NCKAP5: variants seen among roughly 807,000 people sequenced by gnomAD.
NCKAP5 encodes the protein NCK associated protein 5.
Under a neutral mutation model 167.0 loss-of-function variants are expected in NCKAP5, and 92 were observed. That is an observed-to-expected ratio of 0.55 (90% CI 0.47 to 0.66). The LOEUF (loss-of-function observed/expected upper bound fraction) is 0.66, where lower values mean the gene tolerates loss of function less well. NCKAP5 is among the 30% of genes least tolerant of loss of function. The pLI is 0.00. For missense variants in NCKAP5, 2,378 were observed against 2,315.0 expected, an observed-to-expected ratio of 1.03 and a Z score of -0.56; for synonymous variants, 891 against 877.4, an observed-to-expected ratio of 1.02 and a Z score of -0.27.
At chr2:133,256,104 C>T (rs2088602630) in intron 4 of NCKAP5, among the ~76,000 whole-genome samples, 1 of 151,802 alleles carries the variant, frequency 6.6e-6, no homozygotes, top group African/African-American at 2.4e-5. Flanking sequence ...TTAAGTAAAC[C>T]AAAGAAATAT....
chr2:133,367,768 T>A (rs924322494), intron 3 of NCKAP5, among the ~76,000 whole-genome samples: 5 of 152,156 alleles, frequency 3.3e-5, no homozygotes, highest in African/African-American at 9.7e-5. Context: ...ACTAGATGAA[T>A]TAAATAAAAA....
chr2:132,924,915 T>G (rs1189182450), intron 8 of NCKAP5, among the ~76,000 whole-genome samples: 1 of 152,176 alleles, frequency 6.6e-6, no homozygotes, highest in Non-Finnish European at 1.5e-5. Flanking sequence ...GATTTTTTTT[T>G]TAAGCTAAGG....
intron 5 of NCKAP5, among the ~76,000 whole-genome samples, chr2:133,196,085 C>T (rs979086755): frequency 7.2e-5 from 11 of 152,042 alleles, no homozygotes; most frequent in African/African-American, 2.4e-4. Context: ...AACCAGGTAA[C>T]GTTTTACAAA....
intron 11 of NCKAP5, among the ~76,000 whole-genome samples, chr2:132,805,538 T>G (rs1685361054): frequency 6.6e-6 from 1 of 152,152 alleles, no homozygotes; most frequent in Non-Finnish European, 1.5e-5. Context: ...TATTCCATGG[T>G]TATCACTATT....
At chr2:133,654,376 T>TTAAATAAATAAA in the NCKAP5 span, among the ~76,000 whole-genome samples, 15 of 98,104 alleles carry the variant, frequency 1.5e-4, 1 homozygote, top group South Asian at 3.5e-4. Context: ...AGACTCTATC[T>TTAAATAAATAAA]CAAATAAATA....
intron 2 of NCKAP5, among the ~76,000 whole-genome samples, chr2:133,547,572 T>TGACCCCC (rs1686846823): frequency 6.6e-6 from 1 of 151,702 alleles, no homozygotes; most frequent in Non-Finnish European, 1.5e-5. Context: ...CCCTGACCCC[T>TGACCCCC]GACCCCCGAG....
intron 12 of NCKAP5, among the ~76,000 whole-genome samples, chr2:132,792,362 G>A (rs1558785057): frequency 2.0e-5 from 3 of 152,332 alleles, no homozygotes; most frequent in South Asian, 4.1e-4. Flanking sequence ...ACTTAGTTAA[G>A]GGGAGTTCAT....
In NCKAP5 at chr2:132,672,050, C is replaced by A. The variant is rs1232084361; in HGVS notation, c.*1239G>T. 2 of 152,526 alleles carry A rather than the reference C, an allele frequency of 1.3e-5. No individual in the cohort carries two copies. Among genetic ancestry groups the A allele is most frequent in the African/African-American group, 4.8e-5 (2 of 41,420 alleles). The allele number at this position is 152,526 out of a possible 1,614,324, so 9.4% of individuals were successfully genotyped here. ...TACATAAGTAATTATAAATAGTTCA[C>A]ATCTAGAAAAAATACACATAACCTT... is the stretch of plus-strand genomic sequence containing the variant. On this transcript the variant is annotated 3_prime_UTR_variant, in exon 20 of 20. Transcript: ENST00000409261.
the NCKAP5 span, among the ~76,000 whole-genome samples, chr2:133,588,078 A>G: frequency 2.0e-5 from 3 of 152,212 alleles, no homozygotes; most frequent in African/African-American, 4.8e-5. Context: ...GCCATGTCAT[A>G]AGTGTGTGTA....
chr2:133,307,969 TTATC>T (rs1574658824), intron 3 of NCKAP5, among the ~76,000 whole-genome samples: 1 of 128,306 alleles, frequency 7.8e-6, no homozygotes, highest in East Asian at 2.2e-4. Context: ...GGAATATACA[TTATC>T]TATTTTTGTG....
chr2:133,621,828 C>CA, the NCKAP5 span, among the ~76,000 whole-genome samples: 1 of 151,668 alleles, frequency 6.6e-6, no homozygotes, highest in South Asian at 2.1e-4. Flanking sequence ...AAGGACATAA[C>CA]AAAAAAAGAA....
chr2:132,895,501 A>G (rs1693115713), intron 8 of NCKAP5, among the ~76,000 whole-genome samples: 1 of 152,176 alleles, frequency 6.6e-6, no homozygotes, highest in Non-Finnish European at 1.5e-5. Context: ...TCTGGAAGAC[A>G]TCTAGCCAGA....
At position 133,391,818 on chromosome 2, in the gene NCKAP5, C is replaced by T. The variant is rs541310112; in HGVS notation, c.70-88708G>A. Reference sequence around the variant, plus strand: ...AAAATGGAATCATGTCACAGTTTTCCATTACTCACAAGTGAAATTTAAGGT... The same window carrying T: ...AAAATGGAATCATGTCACAGTTTTCTATTACTCACAAGTGAAATTTAAGGT... On this transcript the variant is annotated intron_variant, in intron 3 of 19. Transcript: ENST00000409261. Among the ~76,000 whole-genome samples, 12 of 152,252 alleles carry T rather than the reference C, an allele frequency of 7.9e-5. No homozygotes were observed. In the South Asian group the frequency reaches 2.5e-3, roughly 32 times the overall value.
chr2:133,339,779 T>G (rs1448319244), intron 3 of NCKAP5, among the ~76,000 whole-genome samples: 1 of 152,268 alleles, frequency 6.6e-6, no homozygotes, highest in Admixed American at 6.5e-5. Context: ...TCATTTGAAA[T>G]ACTAATCTCA....
chr2:132,805,254 C>T (rs1461944024), intron 11 of NCKAP5, among the ~76,000 whole-genome samples: 1 of 152,058 alleles, frequency 6.6e-6, no homozygotes, highest in Non-Finnish European at 1.5e-5. Context: ...AAAAAACTGA[C>T]ATACAGAGCT....
chr2:133,275,732 G>A (rs1035434643), intron 4 of NCKAP5, among the ~76,000 whole-genome samples: 14 of 148,186 alleles, frequency 9.4e-5, no homozygotes, highest in Non-Finnish European at 1.2e-4. Flanking sequence ...AGGCACAAAA[G>A]GAAAAATAAC....
intron 3 of NCKAP5, among the ~76,000 whole-genome samples, chr2:133,309,824 C>CA (rs1195963019): frequency 6.6e-6 from 1 of 152,156 alleles, no homozygotes; most frequent in African/African-American, 2.4e-5. Context: ...AAGTATCATT[C>CA]ATATTAAGTG....
At chr2:133,227,144 T>C (rs1287451678) in intron 4 of NCKAP5, among the ~76,000 whole-genome samples, 1 of 152,196 alleles carries the variant, frequency 6.6e-6, no homozygotes, top group Non-Finnish European at 1.5e-5. Flanking sequence ...ACTCTAGAGT[T>C]ATAAAATCTT....
At chr2:132,728,260 C>T (rs1690654307) in intron 18 of NCKAP5, among the ~76,000 whole-genome samples, 2 of 152,022 alleles carry the variant, frequency 1.3e-5, no homozygotes, top group Admixed American at 1.3e-4. Context: ...AGCCAGACAC[C>T]CATAGCCACC....
Sources: gnomAD v4.1 joint callset for allele counts (sites outside exome capture counted in the v4.1 genomes callset) on GRCh38, gnomAD v4.1.1 for gene constraint, MANE v1.5 for transcripts, NCBI Gene and HGNC (gene_info 2026-07-23, HGNC 2026-07-21) for gene names.